TENM4: variants seen among roughly 807,000 people sequenced by gnomAD.
TENM4 encodes teneurin transmembrane protein 4.
Under a neutral mutation model 243.3 loss-of-function variants are expected in TENM4, and 82 were observed. The observed-to-expected ratio is 0.34, with a 90% CI of 0.28 to 0.40. The LOEUF is 0.40. Among genes scored for constraint, TENM4 ranks in the 10% least tolerant of loss-of-function variants. The pLI is 1.00. For synonymous variants in TENM4, 1,412 were observed against 1,456.3 expected (o/e 0.97, Z 0.69); for missense variants, 3,138 against 3,673.3 (o/e 0.85, Z 3.77).
chr11:79,060,253 T>C (rs568186902), intron 6 of TENM4, among the ~76,000 whole-genome samples: 1 of 152,362 alleles, frequency 6.6e-6, no homozygotes. Context: ...GGGCTGGCTC[T>C]GCCTGAAGGC....
chr11:78,756,044 T>C (rs1856297568), intron 19 of TENM4, among the ~76,000 whole-genome samples: 1 of 152,128 alleles, frequency 6.6e-6, no homozygotes. Flanking sequence ...TTTGTGTCTC[T>C]GGGTCTTTGC....
chr11:78,886,203 C>A (rs954432622), intron 9 of TENM4, among the ~76,000 whole-genome samples: 1 of 152,152 alleles, frequency 6.6e-6, no homozygotes, highest in Admixed American at 6.5e-5. Flanking sequence ...ATTGATTATA[C>A]TTGAAATTAA....
chr11:79,409,778 G>A (rs1858659429), intron 1 of TENM4, among the ~76,000 whole-genome samples: 1 of 152,152 alleles, frequency 6.6e-6, no homozygotes, highest in African/African-American at 2.4e-5. Context: ...GGAGGTGGAG[G>A]CTCCACAACC....
chr11:79,404,544 A>G (rs1858527994), intron 1 of TENM4, among the ~76,000 whole-genome samples: 1 of 152,224 alleles, frequency 6.6e-6, no homozygotes, highest in Non-Finnish European at 1.5e-5. Flanking sequence ...TGGTTGCACA[A>G]CACTGTGAAT....
chr11:78,924,054 C>A (rs919521561), intron 6 of TENM4, among the ~76,000 whole-genome samples: 2 of 152,078 alleles, frequency 1.3e-5, no homozygotes, highest in Admixed American at 6.6e-5. Context: ...GGGGTTTAAC[C>A]ATATTGGCCA....
chr11:78,891,258 A>G lies in TENM4; in HGVS notation c.828T>C (p.His276=), dbSNP rs1855658343. ...IEMDILGASR[H]DGAYSDGHFL... ...CCTACCCGTCACTGTAAGCCCCATC[A>G]TGGCGGGAGGCGCCGAGAATGTCCA... is the stretch of plus-strand genomic sequence containing the variant. Residue 276 remains histidine, a synonymous_variant, in exon 8 of 34, where the codon CAT becomes CAC. Transcript: ENST00000278550. 1.3e-6 allele frequency: 2 copies of G among 1,551,608 alleles called. No individual in the cohort carries two copies. The highest frequency in any genetic ancestry group is 1.7e-6 in the Non-Finnish European group (2 of 1,147,016).
At chr11:79,262,784 G>A (rs1213732034) in intron 2 of TENM4, among the ~76,000 whole-genome samples, 1 of 152,194 alleles carries the variant, frequency 6.6e-6, no homozygotes, top group Non-Finnish European at 1.5e-5. Flanking sequence ...TAATATCTCT[G>A]AGTCTTTTAA....
intron 6 of TENM4, among the ~76,000 whole-genome samples, chr11:79,062,469 T>C (rs1473207549): frequency 6.6e-6 from 1 of 152,182 alleles, no homozygotes; most frequent in Non-Finnish European, 1.5e-5. Flanking sequence ...TCAAATTGAT[T>C]TGGGGAATGC....
At chr11:78,733,329 G>A (rs1178153884) in intron 20 of TENM4, among the ~76,000 whole-genome samples, 1 of 152,196 alleles carries the variant, frequency 6.6e-6, no homozygotes, top group Non-Finnish European at 1.5e-5. Flanking sequence ...ATGCTGGGGA[G>A]GTCTGAGGAG....
intron 1 of TENM4, among the ~76,000 whole-genome samples, chr11:79,437,820 C>A (rs1450807771): frequency 6.6e-6 from 1 of 152,198 alleles, no homozygotes; most frequent in African/African-American, 2.4e-5. Context: ...GCCTCCGGGG[C>A]GCCCTCCTTC....
intron 25 of TENM4, 110 bp downstream of exon 25, chr11:78,720,260 C>G (rs1859614521): frequency 7.7e-7 from 1 of 1,290,978 alleles, no homozygotes; most frequent in African/African-American, 1.5e-5. Flanking sequence ...CAGTTCCAAT[C>G]ACACAGGATT....
Position 79,064,916 on chromosome 11 carries a change from G to A in TENM4, c.315C>T (p.Cys105=), listed in dbSNP as rs1038166108. 4 of 1,541,956 alleles carry A rather than the reference G, an allele frequency of 2.6e-6. No homozygotes were observed. The highest frequency in any genetic ancestry group is 2.0e-5 in the Admixed American group (1 of 50,484). The change falls in exon 6 of 34, where the codon TGC becomes TGT. Residue 105 remains cysteine, a synonymous_variant. Coordinates refer to ENST00000278550, the MANE Select transcript of TENM4 (RefSeq NM_001098816.3). ...LYRTDIGLPH[C]GYSMGAGSDA... Reference sequence around the variant, plus strand: ...CAGAGCCAGCCCCCATGGAGTAGCCGCAGTGGGGGAGGCCAATGTCTGTCC... The same window carrying A: ...CAGAGCCAGCCCCCATGGAGTAGCCACAGTGGGGGAGGCCAATGTCTGTCC...
At chr11:79,201,026 G>C (rs568841557) in intron 3 of TENM4, among the ~76,000 whole-genome samples, 15 of 152,174 alleles carry the variant, frequency 9.9e-5, no homozygotes, top group African/African-American at 3.6e-4. Context: ...TGCTGCAGAG[G>C]GTCTGCAGGA....
chr11:78,845,425 C>T (rs1024891959), intron 12 of TENM4, among the ~76,000 whole-genome samples: 1 of 152,190 alleles, frequency 6.6e-6, no homozygotes, highest in African/African-American at 2.4e-5. Flanking sequence ...ATACAGCCCG[C>T]ATCTAAACCC....
At chr11:78,747,316 G>A (rs1856072753) in intron 19 of TENM4, among the ~76,000 whole-genome samples, 1 of 152,232 alleles carries the variant, frequency 6.6e-6, no homozygotes, top group South Asian at 2.1e-4. Context: ...GAGTCCTTTG[G>A]TGCCAGGGCA....
chr11:78,827,188 TAG>T (rs1565396046), intron 12 of TENM4, among the ~76,000 whole-genome samples: 1 of 152,226 alleles, frequency 6.6e-6, no homozygotes, highest in East Asian at 1.9e-4. Flanking sequence ...ATTTTTGAAA[TAG>T]AGTCTGTCTA....
chr11:79,197,283 G>C (rs1021703275), intron 3 of TENM4, among the ~76,000 whole-genome samples: 3 of 152,070 alleles, frequency 2.0e-5, no homozygotes. Context: ...GACAATGAAG[G>C]GAAAGGAGGA....
chr11:79,245,958 A>G lies in TENM4; in HGVS notation c.-264-30049T>C, dbSNP rs568616201. 3.8e-4 allele frequency among the ~76,000 whole-genome samples: 57 copies of G among 150,632 alleles called. 1 individual carries two copies. In the South Asian group the frequency reaches 9.3e-3, roughly 24 times the overall value. On this transcript the variant is annotated intron_variant, in intron 2 of 33. Transcript: ENST00000278550. ...TTGTCTAAAAAAAAAAAAAAAAAAA[A>G]AAAAGAAAAGAAAAGGAAAGCAAAA...
intron 28 of TENM4, among the ~76,000 whole-genome samples, chr11:78,692,966 A>G (rs1285105862): frequency 6.6e-6 from 1 of 152,208 alleles, no homozygotes; most frequent in East Asian, 1.9e-4. Flanking sequence ...TGACCTCACT[A>G]TACTTATTAT....
Sources: gnomAD v4.1 joint callset for allele counts (sites outside exome capture counted in the v4.1 genomes callset) on GRCh38, gnomAD v4.1.1 for gene constraint, MANE v1.5 for transcripts, NCBI Gene and HGNC (gene_info 2026-07-23, HGNC 2026-07-21) for gene names.